ARL13B: variants seen among roughly 807,000 people sequenced by gnomAD.
The protein encoded by ARL13B is ADP-ribosylation factor-like protein 13B.
ARL13B carries 36 observed loss-of-function variants against 56.1 expected under a neutral mutation model. The observed-to-expected ratio is 0.64, with a 90% CI of 0.49 to 0.85. ARL13B has a LOEUF of 0.85. Among genes scored for constraint, ARL13B ranks in the 40% least tolerant of loss-of-function variants. ARL13B has a pLI of 0.00. For missense variants in ARL13B, 519 were observed against 507.1 expected (o/e 1.02, Z -0.23); for synonymous variants, 178 against 171.1 (o/e 1.04, Z -0.32).
intron 6 of ARL13B, 82 bp from the exon 7 acceptor site, chr3:94,042,933 T>C (rs1271450651): frequency 1.6e-5 from 18 of 1,131,992 alleles, no homozygotes; most frequent in Non-Finnish European, 2.3e-5. Flanking sequence ...AGAATCCTGT[T>C]AAGGTATTTG....
intron 3 of ARL13B, among the ~76,000 whole-genome samples, chr3:94,006,800 T>A (rs1020284955): frequency 1.3e-5 from 2 of 152,226 alleles, no homozygotes; most frequent in Non-Finnish European, 2.9e-5. Context: ...AAATTCTTTC[T>A]TTAAACTAAC....
Position 94,049,477 on chromosome 3 carries a change from G to T in ARL13B, c.1096G>T (p.Asp366Tyr). 4.3e-6 allele frequency: 7 copies of T among 1,611,498 alleles called. No individual in the cohort carries two copies. Among genetic ancestry groups the T allele is most frequent in the Non-Finnish European group, 5.9e-6 (7 of 1,179,052 alleles). ...NHRVEPLNID[D>Y]CAPESPTPPP... ...CCGGGTAGAACCACTTAATATAGAT[G>T]ACTGTGCTCCTGAGAGTCCAACGCC... Residue 366 changes from aspartate (D) to tyrosine (Y), a missense_variant, in exon 8 of 10, where the codon GAC becomes TAC. Transcript: ENST00000394222.
chr3:94,022,522 T>C (rs2076470128), intron 3 of ARL13B, among the ~76,000 whole-genome samples: 1 of 152,142 alleles, frequency 6.6e-6, no homozygotes, highest in Non-Finnish European at 1.5e-5. Context: ...CTTCCCCCTT[T>C]TAATACAGTT....
intron 3 of ARL13B, among the ~76,000 whole-genome samples, chr3:94,026,168 C>T (rs939941194): frequency 3.3e-5 from 5 of 152,050 alleles, no homozygotes; most frequent in Admixed American, 2.0e-4. Flanking sequence ...TACAGGCGCC[C>T]GCCACCACAC....
At chr3:94,024,605 A>G (rs2076517488) in intron 3 of ARL13B, among the ~76,000 whole-genome samples, 1 of 152,082 alleles carries the variant, frequency 6.6e-6, no homozygotes, top group South Asian at 2.1e-4. Flanking sequence ...TTTATTTTTG[A>G]GATAGGATCT....
At chr3:94,000,502 G>A (rs1269292048) in intron 2 of ARL13B, among the ~76,000 whole-genome samples, 1 of 151,356 alleles carries the variant, frequency 6.6e-6, no homozygotes, top group African/African-American at 2.4e-5. Flanking sequence ...GCATTGTTGG[G>A]TATTAACATG....
chr3:93,980,579 A>G (rs1575913541), intron 1 of ARL13B, 97 bp downstream of exon 1: 3 of 1,464,628 alleles, frequency 2.0e-6, no homozygotes, highest in East Asian at 2.3e-5. Flanking sequence ...GGACGAGTCT[A>G]TCCCAGGCCG....
chr3:94,042,203 G>A (rs974688081), intron 6 of ARL13B, among the ~76,000 whole-genome samples: 1 of 152,090 alleles, frequency 6.6e-6, no homozygotes, highest in African/African-American at 2.4e-5. Flanking sequence ...ATGATATGTG[G>A]TATTGAATAT....
chr3:94,025,080 G>A (rs1035486391), intron 3 of ARL13B, among the ~76,000 whole-genome samples: 1 of 152,068 alleles, frequency 6.6e-6, no homozygotes, highest in Non-Finnish European at 1.5e-5. Flanking sequence ...TTGGAAAGCA[G>A]GATATTTGAG....
At chr3:94,021,777 T>C (rs956612110) in intron 3 of ARL13B, among the ~76,000 whole-genome samples, 13 of 152,192 alleles carry the variant, frequency 8.5e-5, no homozygotes, top group Admixed American at 6.5e-4. Flanking sequence ...ATAAGCTCTT[T>C]CTAGTATTAC....
chr3:94,003,893 G>A lies in ARL13B; in HGVS notation c.365G>A (p.Gly122Glu). The A allele has an allele frequency of 6.2e-7, 1 of 1,613,274 alleles. No individual in the cohort carries two copies. The change falls in exon 3 of 10, where the codon GGA becomes GAA. Residue 122 changes from glycine to glutamate, a missense_variant. By Grantham distance (98) the Gly-to-Glu change is moderately conservative. Transcript: ENST00000394222. The stretch of plus-strand genomic sequence containing the variant: ...ATGCTAAGACATCCTAGGATATCGG[G>A]AAAGCCTATATTGGTGTAAGTAATG... ...SEMLRHPRIS[G>E]KPILVLANKQ...
In ARL13B at chr3:94,014,412, C is replaced by T. The variant is rs762373909; in HGVS notation, c.380+10504C>T. 18 of 1,558,138 alleles carry T rather than the reference C, an allele frequency of 1.2e-5. No homozygotes were observed. The South Asian group carries it at 2.3e-4, about 20-fold the overall frequency. On this transcript the variant is annotated intron_variant, in intron 3 of 9. Coordinates refer to ENST00000394222, the MANE Select transcript of ARL13B (RefSeq NM_001174150.2). Reference sequence around the variant, plus strand: ...ATTTTGAGCTACAGCATGGACAGCACCAACAACACAGTACTCTGCAAGGAT... The same window carrying T: ...ATTTTGAGCTACAGCATGGACAGCATCAACAACACAGTACTCTGCAAGGAT...
intron 6 of ARL13B, among the ~76,000 whole-genome samples, chr3:94,040,550 G>A (rs534728805): frequency 1.8e-3 from 269 of 152,164 alleles, no homozygotes; most frequent in Non-Finnish European, 3.1e-3. Flanking sequence ...GTGTGTGCGC[G>A]TCTGTGTTTT....
chr3:93,996,039 C>A, intron 2 of ARL13B, 95 bp downstream of exon 2: 3 of 1,263,890 alleles, frequency 2.4e-6, no homozygotes, highest in Non-Finnish European at 3.4e-6. Context: ...TAATTTGGTA[C>A]AGATACTGTG....
intron 6 of ARL13B, among the ~76,000 whole-genome samples, chr3:94,041,560 AC>A (rs2076862382): frequency 6.6e-6 from 1 of 152,174 alleles, no homozygotes; most frequent in African/African-American, 2.4e-5. Context: ...ATCTTATACT[AC>A]CCAATTTTTA....
At chr3:93,989,248 G>A (rs1271615383) in intron 1 of ARL13B, among the ~76,000 whole-genome samples, 1 of 152,112 alleles carries the variant, frequency 6.6e-6, no homozygotes, top group Non-Finnish European at 1.5e-5. Context: ...CTAAAGTTAT[G>A]TATTTTAATT....
chr3:94,014,714 G>A (rs775427835), intron 3 of ARL13B: 4 of 1,612,876 alleles, frequency 2.5e-6, no homozygotes, highest in Non-Finnish European at 2.5e-6. Context: ...CCTTGATGAA[G>A]CATATCATTT....
chr3:94,010,962 T>C (rs955913880), intron 3 of ARL13B, among the ~76,000 whole-genome samples: 3 of 152,094 alleles, frequency 2.0e-5, no homozygotes, highest in Admixed American at 2.0e-4. Flanking sequence ...GAGACGTCTA[T>C]CACTAGTCAG....
intron 3 of ARL13B, among the ~76,000 whole-genome samples, chr3:94,011,153 A>G (rs1453038815): frequency 6.6e-6 from 1 of 152,162 alleles, no homozygotes; most frequent in African/African-American, 2.4e-5. Flanking sequence ...TATGAAATAC[A>G]TATTTTACAT....
Sources: gnomAD v4.1 joint callset for allele counts (sites outside exome capture counted in the v4.1 genomes callset) on GRCh38, gnomAD v4.1.1 for gene constraint, MANE v1.5 for transcripts, NCBI Gene and HGNC (gene_info 2026-07-23, HGNC 2026-07-21) for gene names.